CHKA: variants seen among roughly 807,000 people sequenced by gnomAD.
CHKA encodes the protein CHETK-alpha.
In CHKA, 34 loss-of-function variants were observed where a neutral mutation model predicts 60.1. The observed-to-expected ratio is 0.57, with a 90% CI of 0.43 to 0.75. The LOEUF is 0.75. Among genes scored for constraint, CHKA ranks in the 30% least tolerant of loss-of-function variants. The pLI is 0.00. For synonymous variants in CHKA, 217 were observed against 223.1 expected, an observed-to-expected ratio of 0.97 and a Z score of 0.24; for missense variants, 563 against 561.3, an observed-to-expected ratio of 1.00 and a Z score of -0.03.
chr11:68,107,211 C>T (rs1283497717), intron 1 of CHKA, among the ~76,000 whole-genome samples: 1 of 151,884 alleles, frequency 6.6e-6, no homozygotes, highest in Non-Finnish European at 1.5e-5. Flanking sequence ...AAGATTGAGC[C>T]ACTGCACTCC....
chr11:68,115,569 G>C (rs186863662), intron 1 of CHKA, among the ~76,000 whole-genome samples: 1 of 152,264 alleles, frequency 6.6e-6, no homozygotes, highest in East Asian at 1.9e-4. Context: ...ACTGGGCACA[G>C]TGGCACACAC....
intron 1 of CHKA, among the ~76,000 whole-genome samples, chr11:68,119,735 T>G (rs1199022330): frequency 6.6e-6 from 1 of 152,084 alleles, no homozygotes; most frequent in Non-Finnish European, 1.5e-5. Flanking sequence ...CCCAAAGTGC[T>G]GGGATTACAG....
chr11:68,081,526 C>A, intron 2 of CHKA, 69 bp from the exon 3 acceptor site: 1 of 1,247,216 alleles, frequency 8.0e-7, no homozygotes, highest in Admixed American at 1.7e-5. Flanking sequence ...ACTTTGCAAC[C>A]ACCAGAACAG....
chr11:68,120,767 G>A, intron 1 of CHKA, 61 bp downstream of exon 1: 1 of 267,676 alleles, frequency 3.7e-6, no homozygotes, highest in African/African-American at 3.7e-5. Context: ...CCCGGACCCC[G>A]CCCCGGCCCC....
chr11:68,070,639 C>A, intron 5 of CHKA, 85 bp downstream of exon 5: 1 of 1,450,082 alleles, frequency 6.9e-7, no homozygotes, highest in South Asian at 1.3e-5. Context: ...CCTCTGACTA[C>A]TGTGGCAAAC....
chr11:68,101,548 A>G (rs1857725147), intron 1 of CHKA, among the ~76,000 whole-genome samples: 2 of 152,096 alleles, frequency 1.3e-5, no homozygotes, highest in Non-Finnish European at 2.9e-5. Flanking sequence ...ACTTGAGCCC[A>G]GGAGGTCAAG....
intron 1 of CHKA, among the ~76,000 whole-genome samples, chr11:68,112,151 A>T (rs1858175173): frequency 6.6e-6 from 1 of 152,136 alleles, no homozygotes; most frequent in East Asian, 1.9e-4. Flanking sequence ...AAATTAAATC[A>T]AAATGGATCA....
chr11:68,100,414 A>C (rs934536950), intron 1 of CHKA, among the ~76,000 whole-genome samples: 1 of 151,972 alleles, frequency 6.6e-6, no homozygotes, highest in Non-Finnish European at 1.5e-5. Flanking sequence ...ACATGGTGAA[A>C]CCCTGTCTCT....
At chr11:68,100,559 C>T (rs1014861865) in intron 1 of CHKA, among the ~76,000 whole-genome samples, 1 of 151,522 alleles carries the variant, frequency 6.6e-6, no homozygotes, top group Non-Finnish European at 1.5e-5. Flanking sequence ...CATTGCACTC[C>T]AGCCTGGGGG....
intron 4 of CHKA, among the ~76,000 whole-genome samples, chr11:68,071,277 T>C (rs1856609164): frequency 6.6e-6 from 1 of 152,208 alleles, no homozygotes; most frequent in Admixed American, 6.5e-5. Context: ...CTCTGATGTG[T>C]TGCAGGTGAG....
chr11:68,116,673 C>T (rs200675821), intron 1 of CHKA, among the ~76,000 whole-genome samples: 8 of 150,964 alleles, frequency 5.3e-5, no homozygotes, highest in African/African-American at 2.0e-4. Context: ...GCCGAGATCG[C>T]GCCATTGTGC....
intron 11 of CHKA, among the ~76,000 whole-genome samples, chr11:68,059,551 T>A (rs1219818291): frequency 6.6e-6 from 1 of 152,254 alleles, no homozygotes; most frequent in Non-Finnish European, 1.5e-5. Flanking sequence ...AGTTTCTAGA[T>A]ACTGCTTTAT....
At chr11:68,077,650 C>T (rs1175065191) in intron 3 of CHKA, among the ~76,000 whole-genome samples, 1 of 152,188 alleles carries the variant, frequency 6.6e-6, no homozygotes, top group Non-Finnish European at 1.5e-5. Flanking sequence ...ACATAAGGCC[C>T]CTGCCCACAA....
chr11:68,106,992 A>G, intron 1 of CHKA, among the ~76,000 whole-genome samples: 1 of 152,170 alleles, frequency 6.6e-6, no homozygotes, highest in African/African-American at 2.4e-5. Context: ...GGTGGATCAT[A>G]CCTGTAATCC....
Position 68,119,850 on chromosome 11 carries a change from G to A in CHKA, c.350+978C>T, listed in dbSNP as rs1044497804. On this transcript the variant is annotated intron_variant, in intron 1 of 11. Coordinates refer to ENST00000265689, the MANE Select transcript of CHKA (RefSeq NM_001277.3). ...ATGTCTTCGGAGCAGAGTGGTGAAA[G>A]AAGGTCAGACTTCTGTTAAGTCTGA... 3.3e-5 allele frequency among the ~76,000 whole-genome samples: 5 copies of A among 152,200 alleles called. No individual in the cohort carries two copies. In the East Asian group the frequency reaches 5.8e-4, roughly 18 times the overall value.
At position 68,061,956 on chromosome 11, in the gene CHKA, G is replaced by A. The variant is rs1174590203; in HGVS notation, c.1311C>T (p.Tyr437=). The change falls in exon 11 of 12, where the codon TAC becomes TAT. Residue 437 remains tyrosine, a synonymous_variant. Transcript: ENST00000265689. ...QAKISSIEFG[Y]MDYAQARFDA... is the part of the protein sequence containing the mutation. ...CAAAAACGCTGCTAAAACATACCAT[G>A]TACCCAAATTCAATAGATGAAATCT... is the stretch of plus-strand genomic sequence containing the variant. 1 of 1,582,724 alleles carries A rather than the reference G, an allele frequency of 6.3e-7. No homozygotes were observed. The highest frequency in any genetic ancestry group is 1.3e-5 in the African/African-American group (1 of 74,570).
In CHKA at chr11:68,052,918, CA is replaced by C. The variant is rs1855846863; in HGVS notation, c.*1069del. 2 of 152,258 alleles carry C rather than the reference CA, an allele frequency of 1.3e-5. No individual in the cohort carries two copies. Among genetic ancestry groups the C allele is most frequent in the African/African-American group, 2.4e-5 (1 of 41,332 alleles). 9.4% of individuals were successfully genotyped at this position (152,258 alleles called of 1,614,324 possible). A position where few individuals can be genotyped will look rare whatever the true frequency, so the allele number is the denominator to read the frequency against. ...CTCTGTGGTAGCAGAAATATATGCA[CA>C]AAAAACAATTCAAATAAGAGTTCAG... On this transcript the variant is annotated 3_prime_UTR_variant, in exon 12 of 12. Coordinates refer to ENST00000265689, the MANE Select transcript of CHKA (RefSeq NM_001277.3).
chr11:68,074,747 A>C lies in CHKA; in HGVS notation c.600T>G (p.Phe200Leu). The change falls in exon 4 of 12, where the codon TTT (phenylalanine) becomes TTG (leucine). Residue 200 changes from phenylalanine (F) to leucine (L), a missense_variant. Coordinates refer to ENST00000265689, the MANE Select transcript of CHKA (RefSeq NM_001277.3). ...TGAACTGCTCCAGTCGGCCTTGGGG[A>C]AAGATGCCATAGAGTTTTGGCCCAA... ...RSLGPKLYGI[F>L]PQGRLEQFIP... 1 of 1,614,194 alleles carries C rather than the reference A, an allele frequency of 6.2e-7. No individual in the cohort carries two copies.
chr11:68,054,380 G>A (rs1427614204), intron 11 of CHKA, among the ~76,000 whole-genome samples: 1 of 152,194 alleles, frequency 6.6e-6, no homozygotes, highest in Non-Finnish European at 1.5e-5. Flanking sequence ...GGGTGCTGTG[G>A]GCACTGACTG....
Sources: gnomAD v4.1 joint callset for allele counts (sites outside exome capture counted in the v4.1 genomes callset) on GRCh38, gnomAD v4.1.1 for gene constraint, MANE v1.5 for transcripts, NCBI Gene and HGNC (gene_info 2026-07-23, HGNC 2026-07-21) for gene names.